Variants in CASK observed in about 807,000 individuals in gnomAD.
CASK encodes the protein calcium/calmodulin dependent serine protein kinase.
CASK carries 4 observed loss-of-function variants against 82.9 expected under a neutral mutation model. The observed-to-expected ratio is 0.05, with a 90% CI of 0.02 to 0.11. The LOEUF is 0.11. CASK is among the 10% of genes least tolerant of loss of function. The pLI, the probability that CASK is intolerant of heterozygous loss-of-function variation, is 1.00. For synonymous variants in CASK, 259 were observed against 253.5 expected, an observed-to-expected ratio of 1.02 and a Z score of -0.20; for missense variants, 358 against 720.9, an observed-to-expected ratio of 0.50 and a Z score of 5.76.
At chrX:41,716,949 CCT>C (rs1169326137) in intron 5 of CASK, among the ~76,000 whole-genome samples, 1 of 111,297 alleles carries the variant, frequency 9.0e-6, no homozygotes, top group African/African-American at 3.3e-5. Flanking sequence ...TCTCCTTGCC[CCT>C]GACTGAAGTA....
intron 11 of CASK, among the ~76,000 whole-genome samples, chrX:41,613,819 T>A (rs1038219275): frequency 1.6e-4 from 18 of 111,442 alleles, no homozygotes; most frequent in African/African-American, 5.9e-4. Flanking sequence ...CATTCTGTTC[T>A]TATCCATACT....
chrX:41,548,550 T>C (rs2065053495), intron 21 of CASK, among the ~76,000 whole-genome samples: 1 of 111,924 alleles, frequency 8.9e-6, no homozygotes, highest in African/African-American at 3.2e-5. Flanking sequence ...GGGAAAGACA[T>C]TTATTGGAAA....
chrX:41,587,042 T>C (rs1270480109), intron 13 of CASK, 55 bp from the exon 14 acceptor site: 2 of 705,255 alleles, frequency 2.8e-6, no homozygotes, highest in African/African-American at 2.1e-5. Context: ...ATTTACAAAA[T>C]GTTAAATTCT....
At chrX:41,868,320 G>A (rs1236794953) in intron 1 of CASK, among the ~76,000 whole-genome samples, 1 of 111,969 alleles carries the variant, frequency 8.9e-6, no homozygotes, top group Non-Finnish European at 1.9e-5. Context: ...TCATGTAAAA[G>A]AACAAGATGT....
chrX:41,770,267 T>TCTAA (rs1214540361), intron 3 of CASK, among the ~76,000 whole-genome samples: 1 of 93,646 alleles, frequency 1.1e-5, no homozygotes, highest in Non-Finnish European at 2.1e-5. Context: ...CATCTATCTA[T>TCTAA]CTATCTATCT....
At chrX:41,839,843 T>C (rs1212080511) in intron 2 of CASK, among the ~76,000 whole-genome samples, 1 of 112,005 alleles carries the variant, frequency 8.9e-6, no homozygotes, top group East Asian at 2.8e-4. Flanking sequence ...ACTTTTTCCA[T>C]TGGTTTGCCT....
chrX:41,836,077 A>T (rs1385960034), intron 2 of CASK, among the ~76,000 whole-genome samples: 11 of 112,082 alleles, frequency 9.8e-5, no homozygotes, highest in Non-Finnish European at 5.6e-5. Flanking sequence ...AAAGATGTAC[A>T]GTTTGCTAAA....
At position 41,890,050 on chromosome X, in the gene CASK, T is replaced by C. The variant is rs755243644; in HGVS notation, c.59+32880A>G. On this transcript the variant is annotated intron_variant, in intron 1 of 26. Transcript: ENST00000378163. ...TATTCAAATGCTTAATAAACTACTT[T>C]ACCTCACTATAATTCATCAAATAGA... Among the ~76,000 whole-genome samples the C allele has an allele frequency of 2.7e-5, 3 of 111,857 alleles. No homozygotes were observed. In the South Asian group the frequency reaches 1.1e-3, roughly 42 times the overall value.
At chrX:41,912,523 G>A (rs1319580846) in intron 1 of CASK, among the ~76,000 whole-genome samples, 4 of 107,824 alleles carry the variant, frequency 3.7e-5, no homozygotes, top group Non-Finnish European at 5.8e-5. Flanking sequence ...AGTCAGGCTG[G>A]TCTCAAACTC....
At chrX:41,807,071 CTAAT>C (rs1359502123) in intron 2 of CASK, among the ~76,000 whole-genome samples, 1 of 111,552 alleles carries the variant, frequency 9.0e-6, no homozygotes, top group African/African-American at 3.3e-5. Context: ...TGAAAAGAGA[CTAAT>C]TATTTTAGGT....
At chrX:41,525,953 G>A (rs2064706324) in intron 25 of CASK, among the ~76,000 whole-genome samples, 1 of 111,851 alleles carries the variant, frequency 8.9e-6, no homozygotes, top group African/African-American at 3.3e-5. Context: ...AAAGTCCTAG[G>A]CTCTGATTCT....
In CASK at chrX:41,676,531, G is replaced by A. The variant is rs867042567; in HGVS notation, c.430-5001C>T. 23 of 1,136,317 alleles carry A rather than the reference G, an allele frequency of 2.0e-5. No homozygotes were observed. In the South Asian group the frequency reaches 4.2e-4, roughly 21 times the overall value. The allele number at this position is 1,136,317 out of a possible 1,213,427, so 93.6% of individuals were successfully genotyped here. ...CCCGCAGTGGGCTCCCCTCGCGCCG[G>A]CACGCGGCCTCGCCTGGGTCTACCT... On this transcript the variant is annotated intron_variant, in intron 5 of 26. Transcript: ENST00000378163.
intron 5 of CASK, among the ~76,000 whole-genome samples, chrX:41,707,716 C>A (rs892528510): frequency 9.0e-6 from 1 of 111,142 alleles, no homozygotes; most frequent in African/African-American, 3.3e-5. Flanking sequence ...GAGAGAGAGA[C>A]AGAATGTACC....
At chrX:41,901,879 G>A (rs1033179542) in intron 1 of CASK, among the ~76,000 whole-genome samples, 1 of 111,983 alleles carries the variant, frequency 8.9e-6, no homozygotes, top group Non-Finnish European at 1.9e-5. Flanking sequence ...TAAGGGACTA[G>A]CCTGGTGCTA....
At chrX:41,625,575 A>G (rs903431947) in intron 10 of CASK, among the ~76,000 whole-genome samples, 2 of 109,046 alleles carry the variant, frequency 1.8e-5, no homozygotes, top group African/African-American at 3.3e-5. Flanking sequence ...GCATCCTCAA[A>G]CTCCTGAGCT....
intron 5 of CASK, among the ~76,000 whole-genome samples, chrX:41,682,816 T>C (rs1175022184): frequency 9.1e-6 from 1 of 110,215 alleles, no homozygotes; most frequent in Non-Finnish European, 1.9e-5. Context: ...TGTCTCGTTA[T>C]GTTGCCCAGG....
chrX:41,582,676 G>T (rs1460483302), intron 14 of CASK, among the ~76,000 whole-genome samples: 1 of 111,369 alleles, frequency 9.0e-6, no homozygotes, highest in African/African-American at 3.3e-5. Context: ...CTTGGTACAG[G>T]AAGTACCACT....
At chrX:41,868,553 G>A (rs372406182) in intron 1 of CASK, among the ~76,000 whole-genome samples, 90 of 111,431 alleles carry the variant, frequency 8.1e-4, no homozygotes, top group African/African-American at 2.8e-3. Context: ...TTTAGCCCCT[G>A]ATAGACTTTA....
At chrX:41,608,310 TAAAG>T (rs1191704976) in intron 12 of CASK, among the ~76,000 whole-genome samples, 1 of 112,273 alleles carries the variant, frequency 8.9e-6, no homozygotes, top group Non-Finnish European at 1.9e-5. Context: ...ATAAAAAGAC[TAAAG>T]AATGTAGCAT....
Sources: allele counts gnomAD v4.1 joint callset (sites outside exome capture counted in the v4.1 genomes callset), GRCh38; gene constraint gnomAD v4.1.1; transcripts MANE v1.5; gene names NCBI Gene and HGNC (gene_info 2026-07-23, HGNC 2026-07-21).